Variants in CNTNAP2 observed in about 807,000 individuals in gnomAD.
CNTNAP2 encodes the protein contactin-associated protein-like 2.
CNTNAP2 carries 98 observed loss-of-function variants against 155.2 expected under a neutral mutation model. The observed-to-expected ratio is 0.63, with a 90% CI of 0.54 to 0.75. The LOEUF is 0.75. CNTNAP2 is among the 30% of genes least tolerant of loss of function. The probability of loss-of-function intolerance (pLI) is 0.00; values close to 1 mark genes in which losing one functional copy is unlikely to be tolerated. For synonymous variants in CNTNAP2, 651 were observed against 631.2 expected, an observed-to-expected ratio of 1.03 and a Z score of -0.47; for missense variants, 1,727 against 1,688.1, an observed-to-expected ratio of 1.02 and a Z score of -0.40.
intron 9 of CNTNAP2, among the ~76,000 whole-genome samples, chr7:147,301,500 CAT>C (rs897143356): frequency 5.3e-5 from 8 of 151,536 alleles, no homozygotes; most frequent in African/African-American, 1.9e-4. Context: ...CTGTATGTTA[CAT>C]GTTTGCCTCT....
intron 15 of CNTNAP2, among the ~76,000 whole-genome samples, chr7:148,063,403 A>G (rs559366648): frequency 6.6e-6 from 1 of 151,916 alleles, no homozygotes; most frequent in East Asian, 1.9e-4. Context: ...ATATTGTACC[A>G]CTTGACTTTG....
chr7:148,301,306 A>AAAAATATATATATATATATATATATAT, intron 21 of CNTNAP2, among the ~76,000 whole-genome samples: 1 of 103,868 alleles, frequency 9.6e-6, no homozygotes, highest in African/African-American at 3.8e-5. Flanking sequence ...AAAAAAAAAA[A>AAAAATATATATATATATATATATATAT]ATATATATAT....
intron 18 of CNTNAP2, among the ~76,000 whole-genome samples, chr7:148,196,774 A>T (rs928006247): frequency 5.5e-4 from 84 of 152,182 alleles, no homozygotes; most frequent in Non-Finnish European, 4.4e-5. Flanking sequence ...TAACTGTTCC[A>T]GGGAGAAGAT....
chr7:146,381,822 G>T (rs1795393314), intron 1 of CNTNAP2, among the ~76,000 whole-genome samples: 2 of 152,072 alleles, frequency 1.3e-5, no homozygotes, highest in African/African-American at 2.4e-5. Flanking sequence ...AAATACAATC[G>T]TATTTTTTTA....
At chr7:146,799,699 G>T (rs936494488) in intron 2 of CNTNAP2, among the ~76,000 whole-genome samples, 7 of 152,130 alleles carry the variant, frequency 4.6e-5, no homozygotes, top group African/African-American at 7.2e-5. Flanking sequence ...TTACCATAGT[G>T]GTTAAGAGTG....
chr7:146,913,594 C>T (rs1004621160), intron 3 of CNTNAP2, among the ~76,000 whole-genome samples: 5 of 152,132 alleles, frequency 3.3e-5, no homozygotes, highest in African/African-American at 1.2e-4. Flanking sequence ...TTGTTATATC[C>T]TCACATGGCA....
intron 9 of CNTNAP2, among the ~76,000 whole-genome samples, chr7:147,347,703 A>G (rs1437338459): frequency 6.6e-6 from 1 of 151,990 alleles, no homozygotes; most frequent in Non-Finnish European, 1.5e-5. Context: ...GTGGGATCAC[A>G]AAAATCCCAG....
At chr7:147,616,714 A>G (rs559417488) in intron 12 of CNTNAP2, among the ~76,000 whole-genome samples, 1 of 152,284 alleles carries the variant, frequency 6.6e-6, no homozygotes, top group African/African-American at 2.4e-5. Context: ...GATATAAGTA[A>G]GTAAAATAAA....
At chr7:147,344,037 T>C (rs1442429217) in intron 9 of CNTNAP2, among the ~76,000 whole-genome samples, 5 of 152,196 alleles carry the variant, frequency 3.3e-5, no homozygotes. Flanking sequence ...TCATATTTTG[T>C]AGATGATTTG....
intron 13 of CNTNAP2, among the ~76,000 whole-genome samples, chr7:147,835,336 A>G (rs1434320021): frequency 6.6e-6 from 1 of 152,206 alleles, no homozygotes; most frequent in Non-Finnish European, 1.5e-5. Context: ...AGGCTATCAT[A>G]TATGTAGAGG....
intron 13 of CNTNAP2, among the ~76,000 whole-genome samples, chr7:147,782,581 C>A (rs1454893267): frequency 6.6e-6 from 1 of 152,090 alleles, no homozygotes; most frequent in African/African-American, 2.4e-5. Flanking sequence ...CTCTCTCAGG[C>A]CTCTTATATA....
chr7:148,061,027 A>G (rs1563184873), intron 15 of CNTNAP2, among the ~76,000 whole-genome samples: 1 of 152,264 alleles, frequency 6.6e-6, no homozygotes, highest in Non-Finnish European at 1.5e-5. Context: ...GTTTTTCATT[A>G]AAGCAATCTC....
intron 6 of CNTNAP2, among the ~76,000 whole-genome samples, chr7:147,124,988 C>T (rs1801204514): frequency 6.9e-6 from 1 of 143,920 alleles, no homozygotes. Flanking sequence ...TCAAGTGATT[C>T]TCCTGGCTCA....
intron 15 of CNTNAP2, among the ~76,000 whole-genome samples, chr7:148,045,052 G>A (rs1421031629): frequency 6.6e-6 from 1 of 152,170 alleles, no homozygotes; most frequent in African/African-American, 2.4e-5. Context: ...CTGAGCAGAA[G>A]GAGAGTTAGG....
At chr7:147,511,463 T>TC (rs1231832871) in intron 11 of CNTNAP2, among the ~76,000 whole-genome samples, 1 of 151,708 alleles carries the variant, frequency 6.6e-6, no homozygotes, top group Non-Finnish European at 1.5e-5. Context: ...AACAACATTT[T>TC]TTTTTTTTGC....
chr7:147,430,999 G>A (rs1563201479), intron 10 of CNTNAP2, among the ~76,000 whole-genome samples: 2 of 150,142 alleles, frequency 1.3e-5, no homozygotes, highest in African/African-American at 2.5e-5. Context: ...AGTAAGCCGA[G>A]ATCACGCCCC....
At chr7:148,337,422 T>G (rs1798139886) in intron 21 of CNTNAP2, among the ~76,000 whole-genome samples, 1 of 152,094 alleles carries the variant, frequency 6.6e-6, no homozygotes, top group Non-Finnish European at 1.5e-5. Flanking sequence ...CCCAGGAAGC[T>G]CCTTCACCGT....
In CNTNAP2 at chr7:147,740,548, A is replaced by G. The variant is rs143165422; in HGVS notation, c.2098+101242A>G. 2.1e-3 allele frequency among the ~76,000 whole-genome samples: 323 copies of G among 152,314 alleles called. 2 individuals carry two copies. The highest frequency in any genetic ancestry group is 7.4e-3 in the African/African-American group (307 of 41,576). The stretch of plus-strand genomic sequence containing the variant: ...CTGAGCTTTTCTCTATAAAGAATGC[A>G]TTGTTAAGTTGATCGGGTTAAGGTT... On this transcript the variant is annotated intron_variant, in intron 13 of 23. Coordinates refer to ENST00000361727, the MANE Select transcript of CNTNAP2 (RefSeq NM_014141.6).
intron 3 of CNTNAP2, among the ~76,000 whole-genome samples, chr7:146,914,233 T>C (rs944349138): frequency 2.6e-5 from 4 of 152,108 alleles, no homozygotes; most frequent in Admixed American, 6.6e-5. Flanking sequence ...CCATTTTTAA[T>C]TGTGAATGGT....
Sources: allele counts gnomAD v4.1 joint callset (sites outside exome capture counted in the v4.1 genomes callset), GRCh38; gene constraint gnomAD v4.1.1; transcripts MANE v1.5; gene names NCBI Gene and HGNC (gene_info 2026-07-23, HGNC 2026-07-21).